Variants in UGGT2 observed in about 807,000 individuals in gnomAD.
UGGT2 encodes UDP-glucose glycoprotein glucosyltransferase 2.
Under a neutral mutation model 192.1 loss-of-function variants are expected in UGGT2, and 180 were observed. That is an observed-to-expected ratio of 0.94 (90% CI 0.83 to 1.06). UGGT2 has a LOEUF of 1.06. Ranked by LOEUF, UGGT2 falls within the 50% of genes least tolerant of loss-of-function variation. The pLI is 0.00. For synonymous variants in UGGT2, 580 were observed against 591.0 expected, an observed-to-expected ratio of 0.98 and a Z score of 0.27; for missense variants, 1,849 against 1,795.7, an observed-to-expected ratio of 1.03 and a Z score of -0.54.
chr13:95,839,842 G>A (rs1258859847), intron 36 of UGGT2, among the ~76,000 whole-genome samples: 1 of 152,138 alleles, frequency 6.6e-6, no homozygotes, highest in Non-Finnish European at 1.5e-5. Flanking sequence ...CGAGTATGAA[G>A]TGGTATCTCA....
At chr13:96,023,540 T>C in intron 3 of UGGT2, 89 bp downstream of exon 3, 3 of 1,360,226 alleles carry the variant, frequency 2.2e-6, no homozygotes, top group Non-Finnish European at 2.9e-6. Flanking sequence ...TTGTAGATCA[T>C]TTTGAACTAA....
intron 10 of UGGT2, chr13:95,983,416 C>A (rs2051189423): frequency 7.4e-6 from 2 of 271,646 alleles, no homozygotes; most frequent in South Asian, 3.8e-5. Flanking sequence ...CTTATCAAAC[C>A]ACTGATAAAT....
intron 31 of UGGT2, among the ~76,000 whole-genome samples, chr13:95,861,585 T>C (rs1890174099): frequency 6.6e-6 from 1 of 152,206 alleles, no homozygotes; most frequent in Admixed American, 6.6e-5. Context: ...TAAAAATGAC[T>C]GAATCTTCTA....
chr13:96,049,048 A>C (rs976440897), intron 1 of UGGT2, among the ~76,000 whole-genome samples: 2 of 152,234 alleles, frequency 1.3e-5, no homozygotes, highest in African/African-American at 4.8e-5. Flanking sequence ...ATTTTAGACC[A>C]ATATCCCTGA....
intron 1 of UGGT2, among the ~76,000 whole-genome samples, chr13:96,050,915 A>T (rs2053466758): frequency 1.3e-5 from 2 of 152,216 alleles, no homozygotes; most frequent in South Asian, 2.1e-4. Flanking sequence ...ATTGTGGAAG[A>T]CATTGTGGCG....
rs1355897201 is a variant in UGGT2, at chr13:95,888,030, A to G, written c.2959-59T>C. The G allele has an allele frequency of 8.4e-6, 10 of 1,187,198 alleles. No homozygotes were observed. The African/African-American group carries it at 1.1e-4, about 13-fold the overall frequency. The allele number at this position is 1,187,198 out of a possible 1,614,324, so 73.5% of individuals were successfully genotyped here. On this transcript the variant is annotated intron_variant, in intron 25 of 38. Transcript: ENST00000376747. ...ATAATATTAATAGCTAATATTTATT[A>G]TGTATTTACTATGTACCAGGTACTA...
intron 10 of UGGT2, 131 bp from the exon 11 acceptor site, chr13:95,972,802 T>G (rs965113700): frequency 3.2e-6 from 2 of 620,154 alleles, no homozygotes; most frequent in African/African-American, 1.9e-5. Flanking sequence ...CAGTCTCTGT[T>G]GCAATTATTG....
chr13:95,846,417 G>A (rs1216757941), intron 36 of UGGT2, among the ~76,000 whole-genome samples: 1 of 150,674 alleles, frequency 6.6e-6, no homozygotes, highest in East Asian at 2.0e-4. Context: ...AGACCGTGCA[G>A]AGGGGAGGAG....
intron 10 of UGGT2, among the ~76,000 whole-genome samples, chr13:95,975,887 A>C (rs1189442203): frequency 6.6e-6 from 1 of 152,176 alleles, no homozygotes; most frequent in Non-Finnish European, 1.5e-5. Context: ...TTTTGATAGA[A>C]GCATATAATG....
At chr13:95,878,004 G>T (rs896891765) in intron 27 of UGGT2, 148 bp from the exon 28 acceptor site, 1 of 788,146 alleles carries the variant, frequency 1.3e-6, no homozygotes, top group Non-Finnish European at 1.9e-6. Flanking sequence ...GTGAATTCAT[G>T]AGTTGAACTG....
intron 38 of UGGT2, among the ~76,000 whole-genome samples, chr13:95,818,454 C>T (rs1423800088): frequency 2.0e-5 from 3 of 152,152 alleles, no homozygotes; most frequent in African/African-American, 7.2e-5. Context: ...AACAACATTT[C>T]AGCAAAACTA....
rs576559179 is a variant in UGGT2 at position 95,874,928 on chromosome 13, C to T, written c.3473+2351G>A. On this transcript the variant is annotated intron_variant, in intron 29 of 38. Coordinates refer to ENST00000376747, the MANE Select transcript of UGGT2 (RefSeq NM_020121.4). ...CTGGTCTCAAACTCCTGGGCTCAAGCAGTCCTCCCACCTTGGCCTCCCAAA... is the reference window on the plus strand; with the variant it reads ...CTGGTCTCAAACTCCTGGGCTCAAGTAGTCCTCCCACCTTGGCCTCCCAAA... Among the ~76,000 whole-genome samples, 27 of 152,184 alleles carry T rather than the reference C, an allele frequency of 1.8e-4. No individual in the cohort carries two copies. In the South Asian group the frequency reaches 5.6e-3, roughly 32 times the overall value.
chr13:95,816,188 G>A (rs1014313424), intron 38 of UGGT2, among the ~76,000 whole-genome samples: 1 of 152,116 alleles, frequency 6.6e-6, no homozygotes, highest in African/African-American at 2.4e-5. Context: ...GTGTAAGAAC[G>A]AACTAATATT....
intron 27 of UGGT2, among the ~76,000 whole-genome samples, chr13:95,882,989 A>G (rs1317681442): frequency 6.6e-6 from 1 of 151,920 alleles, no homozygotes; most frequent in Admixed American, 6.6e-5. Flanking sequence ...TTCTTATAAG[A>G]TTCATTTGTT....
intron 24 of UGGT2, among the ~76,000 whole-genome samples, 190 bp downstream of exon 24, chr13:95,894,372 A>C (rs558110438): frequency 6.6e-6 from 1 of 152,262 alleles, no homozygotes; most frequent in East Asian, 1.9e-4. Context: ...CTCTCTCTCC[A>C]TATATATTAC....
At chr13:96,022,024 A>G (rs907162294) in intron 4 of UGGT2, among the ~76,000 whole-genome samples, 3 of 152,104 alleles carry the variant, frequency 2.0e-5, no homozygotes, top group African/African-American at 7.2e-5. Context: ...ATTCTGGAGG[A>G]AAAAAGAGCC....
intron 7 of UGGT2, among the ~76,000 whole-genome samples, chr13:95,991,843 T>C (rs1467519107): frequency 6.6e-6 from 1 of 152,176 alleles, no homozygotes; most frequent in African/African-American, 2.4e-5. Flanking sequence ...GATTTTTGCT[T>C]TGAAATGAGC....
At chr13:95,998,611 C>G (rs2051699559) in intron 6 of UGGT2, among the ~76,000 whole-genome samples, 1 of 150,968 alleles carries the variant, frequency 6.6e-6, no homozygotes, top group Non-Finnish European at 1.5e-5. Context: ...TAATAAAAGA[C>G]TTCCATAAGT....
chr13:95,898,818 A>T (rs1284140834), intron 22 of UGGT2, among the ~76,000 whole-genome samples: 3 of 152,198 alleles, frequency 2.0e-5, no homozygotes, highest in Non-Finnish European at 2.9e-5. Context: ...ATCAGATGCC[A>T]GTGCCTTGAT....
Sources: allele counts gnomAD v4.1 joint callset (sites outside exome capture counted in the v4.1 genomes callset), GRCh38; gene constraint gnomAD v4.1.1; transcripts MANE v1.5; gene names NCBI Gene and HGNC (gene_info 2026-07-23, HGNC 2026-07-21).